The following PDZRN3 variants were observed in gnomAD, a reference collection of about 807,000 sequenced individuals.
The protein encoded by PDZRN3 is PDZ domain containing ring finger 3.
A neutral mutation model predicts 85.7 loss-of-function variants in PDZRN3; 38 were observed. That is an observed-to-expected ratio of 0.44 (90% CI 0.34 to 0.58). The LOEUF (loss-of-function observed/expected upper bound fraction) is 0.58. Ranked by LOEUF, PDZRN3 falls within the 20% of genes least tolerant of loss-of-function variation. PDZRN3 has a pLI of 0.01. For missense variants in PDZRN3, 1,629 were observed against 1,506.4 expected, an observed-to-expected ratio of 1.08 and a Z score of -1.35; for synonymous variants, 759 against 638.0, an observed-to-expected ratio of 1.19 and a Z score of -2.86.
chr3:73,461,731 T>C (rs1419774265), intron 3 of PDZRN3, among the ~76,000 whole-genome samples: 2 of 152,192 alleles, frequency 1.3e-5, no homozygotes, highest in African/African-American at 4.8e-5. Flanking sequence ...AGACATGTCA[T>C]GTGTACATAA....
chr3:73,462,829 T>C (rs1185561809), intron 3 of PDZRN3, among the ~76,000 whole-genome samples: 1 of 152,208 alleles, frequency 6.6e-6, no homozygotes, highest in East Asian at 1.9e-4. Context: ...CATTTGCAAC[T>C]ACCTTTTGCC....
chr3:73,471,876 TC>T (rs2106887078), intron 3 of PDZRN3, among the ~76,000 whole-genome samples: 1 of 152,272 alleles, frequency 6.6e-6, no homozygotes, highest in South Asian at 2.1e-4. Context: ...TATAAATGGG[TC>T]CAGGACAAAA....
At chr3:73,404,970 G>A (rs1488996342) in intron 3 of PDZRN3, among the ~76,000 whole-genome samples, 2 of 152,206 alleles carry the variant, frequency 1.3e-5, no homozygotes, top group South Asian at 2.1e-4. Context: ...GGAAGTGACC[G>A]CTGGCTTAAT....
At chr3:73,571,069 TA>T (rs772134603) in intron 3 of PDZRN3, among the ~76,000 whole-genome samples, 1 of 152,218 alleles carries the variant, frequency 6.6e-6, no homozygotes, top group Non-Finnish European at 1.5e-5. Context: ...GTGTATGGAC[TA>T]AGTTTTTGAC....
intron 3 of PDZRN3, among the ~76,000 whole-genome samples, chr3:73,595,249 T>C (rs891504053): frequency 6.6e-6 from 1 of 152,238 alleles, no homozygotes; most frequent in African/African-American, 2.4e-5. Context: ...GCTTGAATTA[T>C]ATCAAGTTTC....
intron 2 of PDZRN3, among the ~76,000 whole-genome samples, chr3:73,606,591 T>G (rs1702602810): frequency 6.6e-6 from 1 of 152,144 alleles, no homozygotes; most frequent in Admixed American, 6.5e-5. Flanking sequence ...CTATAGTTTT[T>G]TAAGAATTCC....
At chr3:73,519,705 T>A (rs184314521) in intron 3 of PDZRN3, among the ~76,000 whole-genome samples, 285 of 152,302 alleles carry the variant, frequency 1.9e-3, no homozygotes, top group African/African-American at 5.4e-3. Flanking sequence ...GCTATGGCTA[T>A]GCCAGTGGTT....
intron 1 of PDZRN3, chr3:73,621,919 T>C (rs915236318): frequency 6.6e-6 from 1 of 152,112 alleles, no homozygotes; most frequent in African/African-American, 2.4e-5. Context: ...CTGAGGGAGA[T>C]TTTACCCAAA....
chr3:73,565,117 A>T (rs930485824), intron 3 of PDZRN3, among the ~76,000 whole-genome samples: 7 of 139,018 alleles, frequency 5.0e-5, no homozygotes, highest in Non-Finnish European at 7.7e-5. Flanking sequence ...ATATCCACCA[A>T]TTTTTTTTTT....
rs754725589 is a variant in PDZRN3 at position 73,624,752 on chromosome 3, AG to A, written c.73del (p.Leu25TrpfsTer5). On this transcript the variant is annotated frameshift_variant, in exon 1 of 10. Transcript: ENST00000263666. LOFTEE classifies it high-confidence loss of function. Reference sequence around the variant, plus strand: ...GCACGGCGTGGTCAGCGGGTCCTCCAGGACCTTGTGGCACAGCGCGCACTTC... The same window carrying A: ...GCACGGCGTGGTCAGCGGGTCCTCCAGACCTTGTGGCACAGCGCGCACTTC... ...DLKCALCHKV[L>X]EDPLTTPCGH... is the part of the protein sequence containing the mutation. 2 of 1,509,062 alleles carry A rather than the reference AG, an allele frequency of 1.3e-6. No homozygotes were observed. Among genetic ancestry groups the A allele is most frequent in the Non-Finnish European group, 8.8e-7 (1 of 1,136,680 alleles). The allele number at this position is 1,509,062 out of a possible 1,614,324, so 93.5% of individuals were successfully genotyped here.
chr3:73,392,432 T>C (rs1250853216), intron 5 of PDZRN3, among the ~76,000 whole-genome samples: 2 of 152,232 alleles, frequency 1.3e-5, no homozygotes, highest in Non-Finnish European at 2.9e-5. Flanking sequence ...GAGTTGGAAC[T>C]GTAAAGACAG....
intron 3 of PDZRN3, among the ~76,000 whole-genome samples, chr3:73,418,900 A>C (rs1702143970): frequency 6.6e-6 from 1 of 152,040 alleles, no homozygotes; most frequent in South Asian, 2.1e-4. Context: ...GCTTGAAATG[A>C]CTCTGGGGAC....
chr3:73,418,283 C>T (rs534720229), intron 3 of PDZRN3, among the ~76,000 whole-genome samples: 1 of 152,262 alleles, frequency 6.6e-6, no homozygotes, highest in South Asian at 2.1e-4. Context: ...GCCCACAATA[C>T]CTTTGGAGAA....
At chr3:73,523,003 G>T (rs1372524377) in intron 3 of PDZRN3, among the ~76,000 whole-genome samples, 1 of 152,084 alleles carries the variant, frequency 6.6e-6, no homozygotes, top group African/African-American at 2.4e-5. Flanking sequence ...ATAAAAGGAA[G>T]AGTTTTTTTT....
At position 73,426,931 on chromosome 3, in the gene PDZRN3, G is replaced by A. The variant is rs544615582; in HGVS notation, c.919-22536C>T. ...TCAAAAGCTGTCCTTGCTTCCTACT[G>A]CCACTCAAATCAAGACCAGCATGCA... is the stretch of plus-strand genomic sequence containing the variant. On this transcript the variant is annotated intron_variant, in intron 3 of 9. Coordinates refer to ENST00000263666, the MANE Select transcript of PDZRN3 (RefSeq NM_015009.3). Among the ~76,000 whole-genome samples, 69 of 152,250 alleles carry A rather than the reference G, an allele frequency of 4.5e-4. No homozygotes were observed. In the Middle Eastern group the frequency reaches 0.01, roughly 23 times the overall value.
chr3:73,569,174 C>G (rs768807323), intron 3 of PDZRN3: 12 of 1,289,468 alleles, frequency 9.3e-6, no homozygotes, highest in African/African-American at 1.5e-5. Context: ...TTTGATTCTT[C>G]TTTACTCTTT....
chr3:73,436,167 G>A (rs1396369607), intron 3 of PDZRN3, among the ~76,000 whole-genome samples: 6 of 152,248 alleles, frequency 3.9e-5, no homozygotes, highest in South Asian at 2.1e-4. Context: ...GTATCACCCC[G>A]TTCATTTCCT....
Position 73,385,708 on chromosome 3 carries a change from G to C in PDZRN3, c.1596C>G (p.His532Gln). ...TAGCTGTGAATTGCATGGCCTGGTG[G>C]TGCTGCTCCTCCAGCATGTCCATGT... Reference protein sequence around the residue: ...DLHMDMLEEQHHQAMQFTASV... With the variant: ...DLHMDMLEEQQHQAMQFTASV... The change falls in exon 9 of 10, where the codon CAC (histidine) becomes CAG (glutamine). Residue 532 changes from histidine to glutamine, a missense_variant. By Grantham distance (24) the His-to-Gln change is conservative. Transcript: ENST00000263666. 6.2e-7 allele frequency: 1 copy of C among 1,613,326 alleles called. No homozygotes were observed. Among genetic ancestry groups the C allele is most frequent in the Non-Finnish European group, 8.5e-7 (1 of 1,179,370 alleles).
In PDZRN3 at chr3:73,384,076, G is replaced by A. The variant is rs771268657; in HGVS notation, c.2490C>T (p.Asp830=). 6.2e-7 allele frequency: 1 copy of A among 1,612,420 alleles called. No individual in the cohort carries two copies. Among genetic ancestry groups the A allele is most frequent in the Admixed American group, 1.7e-5 (1 of 59,950 alleles). ...PTYSPSLKEL[D]PNQPLESKER... is the part of the protein sequence containing the mutation. ...CTTTGCTTTCCAGGGGCTGGTTGGGGTCCAGCTCCTTCAGGGACGGGCTAT... is the reference window on the plus strand; with the variant it reads ...CTTTGCTTTCCAGGGGCTGGTTGGGATCCAGCTCCTTCAGGGACGGGCTAT... The change falls in exon 10 of 10, where the codon GAC becomes GAT. Residue 830 remains aspartate (D), a synonymous_variant. Transcript: ENST00000263666.
Sources: gnomAD v4.1 joint callset for allele counts (sites outside exome capture counted in the v4.1 genomes callset) on GRCh38, gnomAD v4.1.1 for gene constraint, MANE v1.5 for transcripts, NCBI Gene and HGNC (gene_info 2026-07-23, HGNC 2026-07-21) for gene names.